MRPL42: variants seen among roughly 807,000 people sequenced by gnomAD.
The protein encoded by MRPL42 is large ribosomal subunit protein mL42.
Under a neutral mutation model 17.9 loss-of-function variants are expected in MRPL42, and 17 were observed. The ratio of observed to expected loss-of-function variants is 0.95; its 90% CI spans 0.65 to 1.42. The LOEUF (loss-of-function observed/expected upper bound fraction) is 1.42, where lower values mean the gene tolerates loss of function less well. MRPL42 is among the 40% of genes most tolerant of loss of function. The pLI, the probability that MRPL42 is intolerant of heterozygous loss-of-function variation, is 0.00. For synonymous variants in MRPL42, 59 were observed against 54.4 expected (o/e 1.08, Z -0.37); for missense variants, 177 against 175.2 (o/e 1.01, Z -0.06).
At chr12:93,478,080 C>G (rs1364803637) in intron 3 of MRPL42, among the ~76,000 whole-genome samples, 2 of 151,912 alleles carry the variant, frequency 1.3e-5, no homozygotes, top group Non-Finnish European at 2.9e-5. Context: ...CCTCAGCCCC[C>G]CAAGTAGCTG....
intron 3 of MRPL42, among the ~76,000 whole-genome samples, chr12:93,478,278 C>A (rs1287602112): frequency 6.6e-6 from 1 of 151,828 alleles, no homozygotes; most frequent in Non-Finnish European, 1.5e-5. Flanking sequence ...GACAGGGTCT[C>A]GCTTTGTCAC....
intron 4 of MRPL42, among the ~76,000 whole-genome samples, chr12:93,480,204 T>C (rs1220294954): frequency 6.6e-6 from 1 of 152,008 alleles, no homozygotes; most frequent in African/African-American, 2.4e-5. Context: ...CACTGCAGCC[T>C]CCACCTCCTG....
intron 5 of MRPL42, among the ~76,000 whole-genome samples, chr12:93,497,680 G>A (rs972609155): frequency 4.6e-5 from 7 of 151,446 alleles, no homozygotes; most frequent in Admixed American, 1.3e-4. Context: ...AGACAAGGAT[G>A]CCCACTCACA....
At chr12:93,488,727 C>T (rs554567270) in intron 5 of MRPL42, among the ~76,000 whole-genome samples, 4 of 152,270 alleles carry the variant, frequency 2.6e-5, no homozygotes, top group Middle Eastern at 3.4e-3. Flanking sequence ...CATTTTCCAT[C>T]GATTCTTACC....
intron 3 of MRPL42, among the ~76,000 whole-genome samples, chr12:93,477,598 AT>A (rs1880242099): frequency 6.6e-6 from 1 of 151,974 alleles, no homozygotes; most frequent in Non-Finnish European, 1.5e-5. Context: ...CACTAGTTTT[AT>A]TTTTATTTTG....
At chr12:93,496,143 C>G (rs56841969) in intron 5 of MRPL42, among the ~76,000 whole-genome samples, 76 of 152,286 alleles carry the variant, frequency 5.0e-4, no homozygotes, top group African/African-American at 1.7e-3. Flanking sequence ...ACTGCAGCCA[C>G]CACCTCCTGA....
intron 3 of MRPL42, among the ~76,000 whole-genome samples, chr12:93,478,938 A>ATTTT (rs1437931558): frequency 6.6e-4 from 53 of 80,104 alleles, no homozygotes; most frequent in African/African-American, 1.3e-3. Flanking sequence ...TTATTTATTT[A>ATTTT]TTTATTTTTT....
chr12:93,485,015 T>C (rs372536482), intron 4 of MRPL42, among the ~76,000 whole-genome samples: 925 of 84,200 alleles, frequency 0.011, 1 homozygote, highest in African/African-American at 0.024. Context: ...TATATATATA[T>C]ATATATATAT....
chr12:93,486,499 C>T lies in MRPL42; in HGVS notation c.220-998C>T, dbSNP rs148467503. ...AGCTGGGATTACAGGTGTGCGCTACCGCACCAAGCTAATTTTTAAGTAGAG... is the reference window on the plus strand; with the variant it reads ...AGCTGGGATTACAGGTGTGCGCTACTGCACCAAGCTAATTTTTAAGTAGAG... On this transcript the variant is annotated intron_variant, in intron 4 of 5. Coordinates refer to ENST00000549982, the MANE Select transcript of MRPL42 (RefSeq NM_014050.4). Among the ~76,000 whole-genome samples, 595 of 152,250 alleles carry T rather than the reference C, an allele frequency of 3.9e-3. 1 individual carries two copies. Among genetic ancestry groups the T allele is most frequent in the Non-Finnish European group, 6.6e-3 (451 of 68,020 alleles).
chr12:93,491,575 A>G (rs966948844), intron 5 of MRPL42, among the ~76,000 whole-genome samples: 3 of 152,206 alleles, frequency 2.0e-5, no homozygotes, highest in African/African-American at 7.2e-5. Context: ...GTATTTTAAT[A>G]GATGCTGTCT....
intron 5 of MRPL42, among the ~76,000 whole-genome samples, chr12:93,496,251 G>A (rs1009192890): frequency 6.6e-6 from 1 of 151,978 alleles, no homozygotes; most frequent in Non-Finnish European, 1.5e-5. Context: ...TAAAGGCAGG[G>A]TTTCGCCATG....
chr12:93,490,276 A>T (rs1953388074), intron 5 of MRPL42, among the ~76,000 whole-genome samples: 1 of 152,194 alleles, frequency 6.6e-6, no homozygotes, highest in Non-Finnish European at 1.5e-5. Flanking sequence ...AATCTTATTT[A>T]CTTAATCTTA....
At position 93,479,426 on chromosome 12, in the gene MRPL42, T is replaced by C. The variant is rs1445137907; in HGVS notation, c.173T>C (p.Ile58Thr). 1.2e-6 allele frequency: 2 copies of C among 1,611,674 alleles called. No individual in the cohort carries two copies. Among genetic ancestry groups the C allele is most frequent in the African/African-American group, 1.3e-5 (1 of 74,912 alleles). The change falls in exon 4 of 6, where the codon ATA (isoleucine) becomes ACA (threonine). Residue 58 changes from isoleucine (I) to threonine (T), a missense_variant. Coordinates refer to ENST00000549982, the MANE Select transcript of MRPL42 (RefSeq NM_014050.4). The stretch of plus-strand genomic sequence containing the variant: ...GCTCTGACTTCTGATGGCAGGACAA[T>C]AGTATGCTACCACCCTTCTGTGGAC... ...ELALTSDGRTIVCYHPSVDIP... is the reference protein window; with the variant it reads ...ELALTSDGRTTVCYHPSVDIP...
chr12:93,481,480 T>C lies in MRPL42; in HGVS notation c.219+2008T>C, dbSNP rs1037388761. On this transcript the variant is annotated intron_variant, in intron 4 of 5. Coordinates refer to ENST00000549982, the MANE Select transcript of MRPL42 (RefSeq NM_014050.4). ...TATCATTAAACTGCATCATTTACTA[T>C]CTTTTTTTGTTGCTGTTATCTACCA... Among the ~76,000 whole-genome samples the C allele has an allele frequency of 2.6e-5, 4 of 152,252 alleles. No homozygotes were observed. The South Asian group carries it at 6.2e-4, about 24-fold the overall frequency.
At chr12:93,481,226 A>T (rs1305076554) in intron 4 of MRPL42, among the ~76,000 whole-genome samples, 3 of 152,152 alleles carry the variant, frequency 2.0e-5, no homozygotes. Flanking sequence ...AAAATCTCTT[A>T]CAATCTTAGC....
chr12:93,484,889 C>T (rs151091917), intron 4 of MRPL42, among the ~76,000 whole-genome samples: 2,777 of 147,780 alleles, frequency 0.019, 70 homozygotes, highest in African/African-American at 0.061. Context: ...TGAGTCACTG[C>T]GCCCGGCCTC....
chr12:93,487,647 T>A lies in MRPL42; in HGVS notation c.370T>A (p.Tyr124Asn), dbSNP rs774980127. Residue 124 changes from tyrosine (Y) to asparagine (N), a missense_variant, in exon 5 of 6, where the codon TAT (tyrosine) becomes AAT (asparagine). Physicochemically the swap from Tyr to Asn is moderately radical, Grantham distance 143. Coordinates refer to ENST00000549982, the MANE Select transcript of MRPL42 (RefSeq NM_014050.4). The part of the protein sequence containing the change: ...KMFFTTKHRW[Y>N]PHGRYHRCRK... ...GTTCTTTACTACTAAGCACCGTTGG[T>A]ATCCTCATGGACGGTAAGTTTTCTT... is the stretch of plus-strand genomic sequence containing the variant. 1.2e-6 allele frequency: 2 copies of A among 1,611,934 alleles called. No individual in the cohort carries two copies. The highest frequency in any genetic ancestry group is 2.2e-5 in the South Asian group (2 of 90,794).
intron 2 of MRPL42, among the ~76,000 whole-genome samples, chr12:93,476,038 T>G (rs547882784): frequency 1.3e-5 from 2 of 152,250 alleles, no homozygotes; most frequent in Admixed American, 1.3e-4. Flanking sequence ...CTCTTGAATT[T>G]GCAGGTATTC....
chr12:93,501,340 A>T lies in MRPL42; in HGVS notation c.*119A>T. ...ATAATGATAAAATATCTTTTCATAT[A>T]TTAGAATGTGTACTTTTATATAAAG... On this transcript the variant is annotated 3_prime_UTR_variant, in exon 6 of 6. Transcript: ENST00000549982. 2 of 565,016 alleles carry T rather than the reference A, an allele frequency of 3.5e-6. No homozygotes were observed. The highest frequency in any genetic ancestry group is 5.7e-6 in the Non-Finnish European group (2 of 348,664). 35.0% of individuals were successfully genotyped at this position (565,016 alleles called of 1,614,324 possible).
Sources: allele counts gnomAD v4.1 joint callset (sites outside exome capture counted in the v4.1 genomes callset), GRCh38; gene constraint gnomAD v4.1.1; transcripts MANE v1.5; gene names NCBI Gene and HGNC (gene_info 2026-07-23, HGNC 2026-07-21).